The following EXTL3 variants were observed in gnomAD, a reference collection of about 807,000 sequenced individuals.
The protein encoded by EXTL3 is exostosin-like 3.
Under a neutral mutation model 69.3 loss-of-function variants are expected in EXTL3, and 27 were observed. The observed-to-expected ratio is 0.39, with a 90% CI of 0.29 to 0.54. EXTL3 has a LOEUF of 0.54. Ranked by LOEUF, EXTL3 falls within the 20% of genes least tolerant of loss-of-function variation. EXTL3 has a pLI of 0.69. For missense variants in EXTL3, 1,003 were observed against 1,231.8 expected (o/e 0.81, Z 2.78); for synonymous variants, 511 against 499.4 (o/e 1.02, Z -0.31).
At chr8:28,627,054 C>T (rs1463312382) in intron 1 of EXTL3, among the ~76,000 whole-genome samples, 10 of 151,732 alleles carry the variant, frequency 6.6e-5, no homozygotes, top group Non-Finnish European at 1.0e-4. Flanking sequence ...TGGTGGCGGG[C>T]GCCTGTAGTC....
Position 28,686,539 on chromosome 8 carries a change from G to A in EXTL3, c.-52-26918G>A, listed in dbSNP as rs142367042. 4.9e-3 allele frequency among the ~76,000 whole-genome samples: 747 copies of A among 152,278 alleles called. 7 individuals carry two copies. Among genetic ancestry groups the A allele is most frequent in the African/African-American group, 0.017 (702 of 41,548 alleles). ...GCTGGCAAAAAGCCAATGTTTTGGA[G>A]TAAATGGGCTTGGGGAGCAGGGACC... On this transcript the variant is annotated intron_variant, in intron 1 of 6. Transcript: ENST00000523149.
At chr8:28,748,915 C>T (rs529222774) in intron 6 of EXTL3, among the ~76,000 whole-genome samples, 1 of 152,170 alleles carries the variant, frequency 6.6e-6, no homozygotes, top group East Asian at 1.9e-4. Context: ...TCCAGACCAG[C>T]CTGGGCAATA....
At chr8:28,738,131 G>A (rs988632880) in intron 5 of EXTL3, among the ~76,000 whole-genome samples, 2 of 152,122 alleles carry the variant, frequency 1.3e-5, no homozygotes, top group African/African-American at 4.8e-5. Context: ...TACTTTCACT[G>A]TGCCTCCTAA....
At chr8:28,611,715 A>AG (rs1806274149) in intron 2 of EXTL3, among the ~76,000 whole-genome samples, 1 of 152,224 alleles carries the variant, frequency 6.6e-6, no homozygotes, top group South Asian at 2.1e-4. Flanking sequence ...GGATTCTGTC[A>AG]GAGCCACTTT....
intron 1 of EXTL3, among the ~76,000 whole-genome samples, chr8:28,667,313 T>A (rs1807212438): frequency 6.6e-6 from 1 of 152,074 alleles, no homozygotes. Context: ...GGGTGGGGGA[T>A]TCTTGCAGAA....
intron 1 of EXTL3, among the ~76,000 whole-genome samples, chr8:28,646,113 C>T (rs1481371532): frequency 3.3e-5 from 5 of 152,146 alleles, no homozygotes; most frequent in African/African-American, 9.7e-5. Context: ...CTACCTGCCT[C>T]GGCTTCCCAA....
intron 4 of EXTL3, among the ~76,000 whole-genome samples, chr8:28,733,631 G>A (rs532962428): frequency 6.8e-6 from 1 of 148,098 alleles, no homozygotes; most frequent in African/African-American, 2.5e-5. Context: ...TCCTGGCCTC[G>A]AGCAAGCCTC....
intron 1 of EXTL3, among the ~76,000 whole-genome samples, chr8:28,682,511 C>G (rs891247408): frequency 6.6e-6 from 1 of 151,968 alleles, no homozygotes; most frequent in Non-Finnish European, 1.5e-5. Flanking sequence ...TGTGCGATCT[C>G]GGCTCACTGC....
rs376536742 is a variant in EXTL3, at chr8:28,693,056, A to C, written c.-52-20401A>C. ...AACATTTGTAGGTGCAAGCTTAGAA[A>C]ATTTTGATGGCATTTTGATACCCGC... On this transcript the variant is annotated intron_variant, in intron 1 of 6. Transcript: ENST00000523149. 1.4e-3 allele frequency among the ~76,000 whole-genome samples: 207 copies of C among 152,252 alleles called. 1 individual carries two copies. Among genetic ancestry groups the C allele is most frequent in the African/African-American group, 4.9e-3 (202 of 41,564 alleles).
intron 1 of EXTL3, among the ~76,000 whole-genome samples, chr8:28,639,152 C>T (rs1407868109): frequency 6.6e-6 from 1 of 151,518 alleles, no homozygotes. Flanking sequence ...TGGTCTGGCC[C>T]GTCTTGAACT....
chr8:28,682,546 G>A (rs1182291713), intron 1 of EXTL3, among the ~76,000 whole-genome samples: 3 of 152,086 alleles, frequency 2.0e-5, no homozygotes, highest in African/African-American at 7.2e-5. Flanking sequence ...AGGATCAAGC[G>A]ATTCTCCTGC....
Position 28,717,725 on chromosome 8 carries a change from C to T in EXTL3, c.1666C>T (p.Arg556Cys), listed in dbSNP as rs755902308. 5.6e-6 allele frequency: 9 copies of T among 1,614,254 alleles called. No homozygotes were observed. The highest frequency in any genetic ancestry group is 3.3e-5 in the South Asian group (3 of 91,086). The stretch of plus-strand genomic sequence containing the variant: ...AGAGGCGGCAGCTGAGATCCCCCAC[C>T]GTTCAGGCAAGGCGGCTGGAACTGA... ...REEAAAEIPHRSGKAAGTDPN... is the reference protein window; with the variant it reads ...REEAAAEIPHCSGKAAGTDPN... Residue 556 changes from arginine (R) to cysteine (C), a missense_variant, in exon 3 of 7, where the codon CGT becomes TGT. Arg to Cys is a radical substitution (Grantham distance 180). Transcript: ENST00000220562. This position sits in a 1 kb window ranked among gnomAD's most constrained non-coding sequence, Gnocchi z 8.3.
At chr8:28,648,070 G>C (rs993803718) in intron 1 of EXTL3, among the ~76,000 whole-genome samples, 1 of 152,088 alleles carries the variant, frequency 6.6e-6, no homozygotes, top group African/African-American at 2.4e-5. Flanking sequence ...GCACAGTGTT[G>C]TATGAATATT....
rs1258974374 is a variant in EXTL3, at chr8:28,716,600, A to G, written c.541A>G (p.Asn181Asp). Residue 181 changes from asparagine (N) to aspartate (D), a missense_variant, in exon 3 of 7, where the codon AAC (asparagine) becomes GAC (aspartate). Asn to Asp is a conservative substitution (Grantham distance 23). Coordinates refer to ENST00000220562, the MANE Select transcript of EXTL3 (RefSeq NM_001440.4). The surrounding 1 kb of genome is among the most constrained non-coding windows in gnomAD (Gnocchi z 7.1). ...GGCCACTCGGGGCTGCCGGCTACAC[A>G]ACTGCTTTGATTATTCTCGTTGCCC... Reference protein sequence around the residue: ...PKATRGCRLHNCFDYSRCPLT... With the variant: ...PKATRGCRLHDCFDYSRCPLT... 1.9e-6 allele frequency: 3 copies of G among 1,614,014 alleles called. No homozygotes were observed. The highest frequency in any genetic ancestry group is 1.3e-5 in the African/African-American group (1 of 74,914).
At chr8:28,669,325 G>C (rs1807249304) in intron 1 of EXTL3, among the ~76,000 whole-genome samples, 1 of 152,200 alleles carries the variant, frequency 6.6e-6, no homozygotes, top group Non-Finnish European at 1.5e-5. Flanking sequence ...TTTCTTAATG[G>C]CATAATTATT....
At chr8:28,686,672 T>G (rs1052145560) in intron 1 of EXTL3, among the ~76,000 whole-genome samples, 8 of 152,112 alleles carry the variant, frequency 5.3e-5, no homozygotes, top group African/African-American at 1.9e-4. Flanking sequence ...GTACCAGATT[T>G]ATTTATTTAT....
chr8:28,719,140 A>T (rs1325421195), intron 3 of EXTL3, among the ~76,000 whole-genome samples: 1 of 152,224 alleles, frequency 6.6e-6, no homozygotes, highest in Non-Finnish European at 1.5e-5. Flanking sequence ...TTTTTAAAAA[A>T]TGTACTTCAC....
At chr8:28,746,108 T>C (rs1175654869) in intron 6 of EXTL3, among the ~76,000 whole-genome samples, 1 of 152,206 alleles carries the variant, frequency 6.6e-6, no homozygotes, top group African/African-American at 2.4e-5. Context: ...TGTTCAAAAA[T>C]AGTAATTTTT....
intron 1 of EXTL3, among the ~76,000 whole-genome samples, chr8:28,680,065 C>T (rs1174971150): frequency 7.4e-5 from 11 of 147,828 alleles, no homozygotes; most frequent in East Asian, 1.9e-4. Context: ...TTTTTTTTTC[C>T]GGTGTAAGAC....
Sources: gnomAD v4.1 joint callset for allele counts (sites outside exome capture counted in the v4.1 genomes callset) on GRCh38, gnomAD v4.1.1 for gene constraint, Gnocchi (gnomAD v3.1) non-coding constraint, MANE v1.5 for transcripts, NCBI Gene and HGNC (gene_info 2026-07-23, HGNC 2026-07-21) for gene names.